PDE1C: variants seen among roughly 807,000 people sequenced by gnomAD.
The protein encoded by PDE1C is phosphodiesterase 1C.
In PDE1C, 62 loss-of-function variants were observed where a neutral mutation model predicts 93.1. The ratio of observed to expected loss-of-function variants is 0.67; its 90% confidence interval spans 0.54 to 0.82. PDE1C has a LOEUF of 0.82. Ranked by LOEUF, PDE1C falls within the 40% of genes least tolerant of loss-of-function variation. The pLI, the probability that PDE1C is intolerant of heterozygous loss-of-function variation, is 0.00. For synonymous variants in PDE1C, 325 were observed against 310.1 expected (o/e 1.05, Z -0.50); for missense variants, 742 against 884.6 (o/e 0.84, Z 2.04).
intron 16 of PDE1C, chr7:31,785,503 C>G (rs868494559): frequency 3.3e-5 from 5 of 152,158 alleles, no homozygotes; most frequent in Admixed American, 2.6e-4. Context: ...TTTAAGAAAA[C>G]AATCAGGAAT....
In PDE1C at chr7:31,961,026, C is replaced by T. The variant is rs527266472; in HGVS notation, c.129-80166G>A. 3.9e-5 allele frequency among the ~76,000 whole-genome samples: 6 copies of T among 152,240 alleles called. No individual in the cohort carries two copies. The South Asian group carries it at 6.2e-4, about 16-fold the overall frequency. On this transcript the variant is annotated intron_variant, in intron 2 of 17. Transcript: ENST00000396191. Reference sequence around the variant, plus strand: ...AAATTGACACGTTCTGTCTGCCACCCTCTAAAGAAATAGTAAAGAAAGTGT... The same window carrying T: ...AAATTGACACGTTCTGTCTGCCACCTTCTAAAGAAATAGTAAAGAAAGTGT...
At chr7:31,746,168 G>A in the PDE1C span, among the ~76,000 whole-genome samples, 1 of 152,172 alleles carries the variant, frequency 6.6e-6, no homozygotes, top group Non-Finnish European at 1.5e-5. Context: ...TCTGGCTCCA[G>A]GGGGAGTCTG....
chr7:31,887,652 T>G (rs1366032274), intron 2 of PDE1C, among the ~76,000 whole-genome samples: 1 of 152,200 alleles, frequency 6.6e-6, no homozygotes, highest in Non-Finnish European at 1.5e-5. Flanking sequence ...AATGCACCAT[T>G]CTTTTCAAGT....
rs10951324 is a variant in PDE1C at position 32,209,372 on chromosome 7, G to A, written c.136+117C>T. The A allele has an allele frequency of 0.44, 368,884 of 833,524 alleles. 82,868 individuals carry two copies. The highest frequency in any genetic ancestry group is 0.57 in the African/African-American group (32,749 of 57,376). The allele number at this position is 833,524 out of a possible 1,614,324, so 51.6% of individuals were successfully genotyped here. ...GGATGTTAACCAGATGATATTTCCT[G>A]CATTACTATTTTATTAACACCTGAC... On this transcript the variant is annotated intron_variant, in intron 2 of 18. Transcript: ENST00000396193.
At chr7:31,652,419 A>C in the PDE1C span, 1 of 1,466,724 alleles carries the variant, frequency 6.8e-7, no homozygotes, top group South Asian at 1.4e-5. Context: ...CATTCTAGAG[A>C]ATCGACCACC....
At chr7:32,383,686 T>C (rs1784573424) in intron 1 of PDE1C, among the ~76,000 whole-genome samples, 1 of 151,974 alleles carries the variant, frequency 6.6e-6, no homozygotes. Context: ...GATGGAAGGA[T>C]GGATGGGTGG....
chr7:32,248,770 C>T (rs60086427), intron 1 of PDE1C, among the ~76,000 whole-genome samples: 16,009 of 152,202 alleles, frequency 0.11, 900 homozygotes, highest in East Asian at 0.13. Context: ...CTAATCACAC[C>T]GATGAGGAAA....
At chr7:32,017,303 G>C (rs1788039517) in intron 2 of PDE1C, among the ~76,000 whole-genome samples, 1 of 152,098 alleles carries the variant, frequency 6.6e-6, no homozygotes, top group South Asian at 2.1e-4. Context: ...GTACACAAAA[G>C]AATGAAGCTG....
intron 3 of PDE1C, among the ~76,000 whole-genome samples, chr7:32,140,557 C>T (rs1474362455): frequency 6.6e-6 from 1 of 152,200 alleles, no homozygotes; most frequent in Non-Finnish European, 1.5e-5. Context: ...CAAAAGCATT[C>T]CCTTCACACT....
intron 1 of PDE1C, among the ~76,000 whole-genome samples, chr7:32,376,543 C>T (rs1784435225): frequency 6.6e-6 from 1 of 152,188 alleles, no homozygotes; most frequent in Non-Finnish European, 1.5e-5. Flanking sequence ...AGGCCAGAGA[C>T]TCCTCTACCT....
At chr7:31,782,836 G>T (rs888162382) in intron 16 of PDE1C, among the ~76,000 whole-genome samples, 4 of 152,278 alleles carry the variant, frequency 2.6e-5, no homozygotes, top group Non-Finnish European at 2.9e-5. Flanking sequence ...TAAATTACAT[G>T]AGCTATTCAA....
At chr7:32,158,472 G>A (rs1421596888) in intron 3 of PDE1C, among the ~76,000 whole-genome samples, 1 of 152,132 alleles carries the variant, frequency 6.6e-6, no homozygotes, top group East Asian at 1.9e-4. Context: ...ACAGTTGTAG[G>A]GCTGTTTAGT....
intron 2 of PDE1C, among the ~76,000 whole-genome samples, chr7:31,928,669 T>C (rs141325623): frequency 0.033 from 5,000 of 152,278 alleles, 278 homozygotes; most frequent in African/African-American, 0.11. Flanking sequence ...CAGAATTTTA[T>C]ATCCAGCCAA....
the PDE1C span, among the ~76,000 whole-genome samples, chr7:31,617,847 G>A: frequency 6.6e-6 from 1 of 152,122 alleles, no homozygotes; most frequent in Admixed American, 6.5e-5. Flanking sequence ...GAAAACATTT[G>A]ACCTATTAAG....
At chr7:31,881,274 C>T (rs941897100) in intron 2 of PDE1C, among the ~76,000 whole-genome samples, 2 of 152,100 alleles carry the variant, frequency 1.3e-5, no homozygotes, top group African/African-American at 4.8e-5. Context: ...AATGGCAGCC[C>T]CATGACCCAG....
intron 1 of PDE1C, among the ~76,000 whole-genome samples, chr7:32,341,133 C>T (rs1022422313): frequency 2.1e-5 from 3 of 142,224 alleles, no homozygotes; most frequent in Admixed American, 7.0e-5. Flanking sequence ...ACTTTCTACT[C>T]AATTTTGCTG....
chr7:31,786,096 T>C (rs1028791294), intron 16 of PDE1C: 5 of 152,322 alleles, frequency 3.3e-5, no homozygotes, highest in African/African-American at 1.2e-4. Context: ...ATCATATTAT[T>C]GGTGGAGCAG....
chr7:32,055,770 G>T (rs1793995349), intron 1 of PDE1C, among the ~76,000 whole-genome samples: 1 of 152,266 alleles, frequency 6.6e-6, no homozygotes, highest in Admixed American at 6.5e-5. Context: ...GCCCAGGCTG[G>T]AGCGCAGTGG....
At chr7:31,733,859 C>T in the PDE1C span, among the ~76,000 whole-genome samples, 1 of 152,078 alleles carries the variant, frequency 6.6e-6, no homozygotes, top group African/African-American at 2.4e-5. Context: ...AAAACATTAG[C>T]CAGGCATGGT....
Sources: gnomAD v4.1 joint callset for allele counts (sites outside exome capture counted in the v4.1 genomes callset) on GRCh38, gnomAD v4.1.1 for gene constraint, MANE v1.5 for transcripts, NCBI Gene and HGNC (gene_info 2026-07-23, HGNC 2026-07-21) for gene names.